OR4F16: variants seen among roughly 807,000 people sequenced by gnomAD.
OR4F16 encodes olfactory receptor 4F3/4F16/4F29.
the OR4F16 span, among the ~76,000 whole-genome samples, chr1:719,150 TC>T: frequency 1.9e-5 from 1 of 53,354 alleles, no homozygotes; most frequent in African/African-American, 7.0e-5. Flanking sequence ...AATTATTTAT[TC>T]TAATACCAGT....
chr1:690,233 T>C (rs1283886861), upstream of OR4F16, among the ~76,000 whole-genome samples: 6 of 92,802 alleles, frequency 6.5e-5, no homozygotes, highest in Non-Finnish European at 1.2e-4. Flanking sequence ...GATACTACCA[T>C]ATACTAATCA....
the OR4F16 span, among the ~76,000 whole-genome samples, chr1:692,088 C>G: frequency 2.0e-5 from 3 of 147,164 alleles, no homozygotes; most frequent in Non-Finnish European, 4.4e-5. Flanking sequence ...CAAATCAGGC[C>G]AGGTGCAGTG....
At chr1:701,626 G>A in the OR4F16 span, among the ~76,000 whole-genome samples, 1 of 150,022 alleles carries the variant, frequency 6.7e-6, no homozygotes, top group Non-Finnish European at 1.5e-5. Flanking sequence ...GTCTTTTGCT[G>A]GAACATGGAT....
chr1:683,065 C>A (rs1290498629), downstream of OR4F16, among the ~76,000 whole-genome samples: 1 of 135,636 alleles, frequency 7.4e-6, no homozygotes, highest in African/African-American at 2.8e-5. Context: ...AAATAAAAAT[C>A]GATCCCCCCC....
chr1:692,356 G>T, the OR4F16 span, among the ~76,000 whole-genome samples: 1 of 145,296 alleles, frequency 6.9e-6, no homozygotes, highest in South Asian at 2.2e-4. Flanking sequence ...GGTAAGTTTG[G>T]TGTATGTTGA....
the OR4F16 span, among the ~76,000 whole-genome samples, chr1:719,050 ACTT>A: frequency 2.7e-5 from 1 of 36,526 alleles, no homozygotes; most frequent in African/African-American, 1.4e-4. Flanking sequence ...AACTTTGGTA[ACTT>A]TAGCATATAC....
the OR4F16 span, among the ~76,000 whole-genome samples, chr1:691,784 CT>C: frequency 1.3e-5 from 1 of 78,536 alleles, no homozygotes; most frequent in African/African-American, 5.1e-5. Context: ...CCCAAATTGC[CT>C]TTTTCATGAA....
chr1:691,234 AT>A (rs1232378447), upstream of OR4F16, among the ~76,000 whole-genome samples: 1 of 152,046 alleles, frequency 6.6e-6, no homozygotes, highest in Non-Finnish European at 1.5e-5. Flanking sequence ...AATGTTATTT[AT>A]TATAATCTGA....
At chr1:679,793 G>A in the OR4F16 span, among the ~76,000 whole-genome samples, 1 of 66,388 alleles carries the variant, frequency 1.5e-5, no homozygotes, top group Non-Finnish European at 2.9e-5. Flanking sequence ...GTACAAAGAG[G>A]AGCTGGTACC....
At chr1:715,871 T>C in the OR4F16 span, among the ~76,000 whole-genome samples, 4 of 150,442 alleles carry the variant, frequency 2.7e-5, no homozygotes, top group Non-Finnish European at 5.9e-5. Context: ...ATAAGACATG[T>C]GAAGGATCAT....
the OR4F16 span, among the ~76,000 whole-genome samples, chr1:701,319 G>A: frequency 6.7e-6 from 1 of 149,954 alleles, no homozygotes; most frequent in Non-Finnish European, 1.5e-5. Flanking sequence ...TCTGATGGGA[G>A]AATTAGAAAA....
At chr1:710,118 T>C in the OR4F16 span, among the ~76,000 whole-genome samples, 1 of 136,992 alleles carries the variant, frequency 7.3e-6, no homozygotes, top group African/African-American at 2.6e-5. Context: ...TCTGAGTAGT[T>C]GAGGGAATTT....
At chr1:691,046 T>TA (rs1402975225), upstream of OR4F16, among the ~76,000 whole-genome samples, 4 of 148,818 alleles carry the variant, frequency 2.7e-5, no homozygotes, top group Non-Finnish European at 4.4e-5. Context: ...GATACATCAA[T>TA]AAAAAACAAC....
At chr1:713,974 T>G in the OR4F16 span, among the ~76,000 whole-genome samples, 3 of 139,196 alleles carry the variant, frequency 2.2e-5, no homozygotes, top group South Asian at 2.4e-4. Context: ...TTTGTGCACA[T>G]TGCTTATACT....
chr1:715,904 G>A, the OR4F16 span, among the ~76,000 whole-genome samples: 2 of 148,934 alleles, frequency 1.3e-5, no homozygotes, highest in Admixed American at 6.7e-5. Context: ...AAAAATTAGG[G>A]GAACATTAAA....
chr1:712,074 A>AT, the OR4F16 span, among the ~76,000 whole-genome samples: 3 of 1,248 alleles, frequency 2.4e-3, no homozygotes, highest in Non-Finnish European at 0.014. Context: ...TATTATATAT[A>AT]TAATATTATA....
At chr1:690,055 T>C (rs569972590), upstream of OR4F16, among the ~76,000 whole-genome samples, 1,037 of 131,304 alleles carry the variant, frequency 7.9e-3, 12 homozygotes, top group African/African-American at 0.03. Flanking sequence ...TTGGGTTGCA[T>C]TTAAAGGGGG....
chr1:712,050 A>T, the OR4F16 span: 2 of 2,084 alleles, frequency 9.6e-4, no homozygotes, highest in South Asian at 0.056. Context: ...TATGTATTAT[A>T]TATATTATAT....
At chr1:690,234 ATAC>A (rs1445348101), upstream of OR4F16, among the ~76,000 whole-genome samples, 53 of 93,930 alleles carry the variant, frequency 5.6e-4, no homozygotes, top group African/African-American at 2.9e-3. Context: ...ATACTACCAT[ATAC>A]TAATCAAGAG....
Sources: allele counts gnomAD v4.1 joint callset (sites outside exome capture counted in the v4.1 genomes callset), GRCh38; gene constraint gnomAD v4.1.1; transcripts MANE v1.5; gene names NCBI Gene and HGNC (gene_info 2026-07-23, HGNC 2026-07-21).